DSCAM: variants seen among roughly 807,000 people sequenced by gnomAD.
DSCAM encodes the protein cell adhesion molecule DSCAM.
In DSCAM, 47 loss-of-function variants were observed where a neutral mutation model predicts 217.7. The ratio of observed to expected loss-of-function variants is 0.22; its 90% CI spans 0.17 to 0.28. The LOEUF (loss-of-function observed/expected upper bound fraction) is 0.28, where lower values mean the gene tolerates loss of function less well. Among genes scored for constraint, DSCAM ranks in the 10% least tolerant of loss-of-function variants. The pLI is 1.00. For synonymous variants in DSCAM, 1,056 were observed against 1,015.3 expected (o/e 1.04, Z -0.76); for missense variants, 2,080 against 2,618.3 (o/e 0.79, Z 4.49).
At chr21:40,534,944 T>C (rs953435972) in intron 3 of DSCAM, among the ~76,000 whole-genome samples, 27 of 152,010 alleles carry the variant, frequency 1.8e-4, no homozygotes, top group Admixed American at 1.7e-3. Flanking sequence ...ATAAGAAAAA[T>C]AGGGGGTTCC....
intron 3 of DSCAM, among the ~76,000 whole-genome samples, chr21:40,685,769 G>T (rs2090466183): frequency 6.6e-6 from 1 of 152,154 alleles, no homozygotes; most frequent in South Asian, 2.1e-4. Flanking sequence ...TTTGACATGG[G>T]CATGTAACAT....
chr21:40,509,245 T>C (rs539874688), intron 3 of DSCAM, among the ~76,000 whole-genome samples: 11 of 152,274 alleles, frequency 7.2e-5, no homozygotes, highest in African/African-American at 9.6e-5. Context: ...TTTGCAGCCA[T>C]AAATTCCAAG....
chr21:40,577,550 T>G (rs896223775), intron 3 of DSCAM, among the ~76,000 whole-genome samples: 30 of 151,946 alleles, frequency 2.0e-4, no homozygotes, highest in Middle Eastern at 7.1e-3. Flanking sequence ...CTCCATTATG[T>G]TGTATCCAGG....
intron 20 of DSCAM, among the ~76,000 whole-genome samples, chr21:40,116,708 A>AAAG (rs2089974552): frequency 6.6e-6 from 1 of 151,852 alleles, no homozygotes; most frequent in South Asian, 2.1e-4. Context: ...AAAAAAAAAA[A>AAAG]AGAGAGAGAT....
At chr21:40,479,440 A>G (rs148090181) in intron 3 of DSCAM, among the ~76,000 whole-genome samples, 117 of 152,320 alleles carry the variant, frequency 7.7e-4, no homozygotes, top group African/African-American at 2.5e-3. Context: ...TACTCCTATG[A>G]AGAAATATCC....
At chr21:40,495,679 G>A (rs929143502) in intron 3 of DSCAM, among the ~76,000 whole-genome samples, 1 of 151,980 alleles carries the variant, frequency 6.6e-6, no homozygotes, top group Non-Finnish European at 1.5e-5. Flanking sequence ...GTCCTAACTG[G>A]AGAAATTAGG....
At chr21:40,523,667 C>T (rs757484064) in intron 3 of DSCAM, among the ~76,000 whole-genome samples, 9 of 152,176 alleles carry the variant, frequency 5.9e-5, no homozygotes, top group Non-Finnish European at 8.8e-5. Context: ...TCTGATTCTT[C>T]TGGTACAGCA....
intron 1 of DSCAM, among the ~76,000 whole-genome samples, chr21:40,837,235 C>T (rs2092064361): frequency 1.3e-5 from 2 of 152,186 alleles, no homozygotes; most frequent in Admixed American, 6.5e-5. Context: ...AGCATCTAAT[C>T]CCACAGAAGC....
intron 8 of DSCAM, among the ~76,000 whole-genome samples, chr21:40,324,034 CAG>C (rs2074288762): frequency 7.7e-6 from 1 of 129,094 alleles, no homozygotes; most frequent in Admixed American, 1.0e-4. Flanking sequence ...ACCCAGGAAG[CAG>C]AGATTGCAGT....
intron 11 of DSCAM, among the ~76,000 whole-genome samples, chr21:40,243,183 G>C (rs1226145776): frequency 6.6e-6 from 1 of 152,160 alleles, no homozygotes; most frequent in Non-Finnish European, 1.5e-5. Flanking sequence ...CTCAGGAGAA[G>C]AGGTCTCCCT....
In DSCAM at chr21:40,132,658, C is replaced by T. The variant is rs374626594; in HGVS notation, c.3562+1196G>A. The stretch of plus-strand genomic sequence containing the variant: ...CAAAAACACCAGGTGAGAGTGGATG[C>T]CTGGGGCTGCTCGGAGGAGCAAGGC... On this transcript the variant is annotated intron_variant, in intron 19 of 32. Coordinates refer to ENST00000400454, the MANE Select transcript of DSCAM (RefSeq NM_001389.5). Among the ~76,000 whole-genome samples the T allele has an allele frequency of 1.3e-3, 205 of 152,230 alleles. 1 individual carries two copies. The highest frequency in any genetic ancestry group is 4.5e-3 in the African/African-American group (186 of 41,532).
At chr21:40,438,601 A>G (rs1362114141) in intron 3 of DSCAM, among the ~76,000 whole-genome samples, 1 of 152,192 alleles carries the variant, frequency 6.6e-6, no homozygotes, top group Non-Finnish European at 1.5e-5. Context: ...TGGACCTATC[A>G]TTGCTGGTAA....
chr21:40,563,704 GTA>G (rs148270084), intron 3 of DSCAM, among the ~76,000 whole-genome samples: 6 of 142,812 alleles, frequency 4.2e-5, no homozygotes, highest in Admixed American at 7.0e-5. Flanking sequence ...TTATATGTGT[GTA>G]TATAGTTATG....
At chr21:40,284,031 G>A (rs763209137) in intron 10 of DSCAM, among the ~76,000 whole-genome samples, 9 of 152,124 alleles carry the variant, frequency 5.9e-5, no homozygotes, top group Non-Finnish European at 8.8e-5. Context: ...TTTTCCTCAA[G>A]AATGCATTTG....
At chr21:40,467,891 C>T (rs1021228293) in intron 3 of DSCAM, among the ~76,000 whole-genome samples, 1 of 144,890 alleles carries the variant, frequency 6.9e-6, no homozygotes, top group African/African-American at 2.7e-5. Context: ...AAGCTTGCCT[C>T]CCATTTTATT....
chr21:40,588,243 G>C (rs2076960645), intron 3 of DSCAM, among the ~76,000 whole-genome samples: 1 of 152,030 alleles, frequency 6.6e-6, no homozygotes. Flanking sequence ...TCTGATATTA[G>C]GTTGGCTCAA....
intron 4 of DSCAM, among the ~76,000 whole-genome samples, chr21:40,359,304 C>T (rs916731458): frequency 1.3e-5 from 2 of 152,320 alleles, no homozygotes; most frequent in Non-Finnish European, 2.9e-5. Flanking sequence ...CACTTTTAAG[C>T]AGAATTTCCT....
At chr21:40,196,817 C>T (rs893641282) in intron 11 of DSCAM, among the ~76,000 whole-genome samples, 5 of 152,130 alleles carry the variant, frequency 3.3e-5, no homozygotes, top group African/African-American at 1.2e-4. Context: ...ATAAGTATTT[C>T]AGCCATACGA....
At chr21:40,083,238 G>C (rs1047202057) in intron 24 of DSCAM, among the ~76,000 whole-genome samples, 1 of 152,216 alleles carries the variant, frequency 6.6e-6, no homozygotes, top group African/African-American at 2.4e-5. Context: ...AGACCAGCCT[G>C]GCCAACATGG....
Sources: allele counts gnomAD v4.1 joint callset (sites outside exome capture counted in the v4.1 genomes callset), GRCh38; gene constraint gnomAD v4.1.1; transcripts MANE v1.5; gene names NCBI Gene and HGNC (gene_info 2026-07-23, HGNC 2026-07-21).